Variants in MYO1B observed in about 807,000 individuals in gnomAD.
MYO1B encodes myosin IB.
MYO1B carries 72 observed loss-of-function variants against 159.7 expected under a neutral mutation model. The observed-to-expected ratio is 0.45, with a 90% CI of 0.37 to 0.55. The LOEUF is 0.55. Ranked by LOEUF, MYO1B falls within the 20% of genes least tolerant of loss-of-function variation. The pLI is 0.00. For synonymous variants in MYO1B, 468 were observed against 473.8 expected, an observed-to-expected ratio of 0.99 and a Z score of 0.16; for missense variants, 1,062 against 1,364.8, an observed-to-expected ratio of 0.78 and a Z score of 3.50.
chr2:191,318,707 A>G (rs2125886033), intron 3 of MYO1B, among the ~76,000 whole-genome samples: 1 of 152,342 alleles, frequency 6.6e-6, no homozygotes, highest in South Asian at 2.1e-4. Flanking sequence ...TGATATTTCA[A>G]CATAGTCATT....
chr2:191,383,666 TC>T (rs2126080326), intron 15 of MYO1B, among the ~76,000 whole-genome samples: 1 of 151,382 alleles, frequency 6.6e-6, no homozygotes, highest in African/African-American at 2.4e-5. Context: ...TTAGCCAGGA[TC>T]CCCAGTGGCC....
chr2:191,401,256 A>G (rs192176925), intron 23 of MYO1B, among the ~76,000 whole-genome samples: 273 of 152,266 alleles, frequency 1.8e-3, no homozygotes, highest in African/African-American at 6.1e-3. Flanking sequence ...TGCCTCTAAC[A>G]TATGTCTTAA....
chr2:191,264,842 C>A (rs1687032374), intron 1 of MYO1B, among the ~76,000 whole-genome samples: 1 of 151,160 alleles, frequency 6.6e-6, no homozygotes, highest in Non-Finnish European at 1.5e-5. Context: ...CAGAGTTGAG[C>A]CTTGTTTTTT....
At chr2:191,395,623 C>T (rs534785833) in intron 20 of MYO1B, among the ~76,000 whole-genome samples, 2 of 152,256 alleles carry the variant, frequency 1.3e-5, no homozygotes, top group African/African-American at 2.4e-5. Flanking sequence ...TTCCAGCAGC[C>T]TCCACTCCAG....
rs114643235 is a variant in MYO1B, at chr2:191,365,684, C to G, written c.1032+1408C>G. On this transcript the variant is annotated intron_variant, in intron 11 of 30. Coordinates refer to ENST00000392318, the MANE Select transcript of MYO1B (RefSeq NM_001130158.3). Reference sequence around the variant, plus strand: ...TTGGGAAGTAAGAGGTTAGGGAAGACCCCATGGAAACAATCAAAGGATTTA... The same window carrying G: ...TTGGGAAGTAAGAGGTTAGGGAAGAGCCCATGGAAACAATCAAAGGATTTA... 5.4e-3 allele frequency among the ~76,000 whole-genome samples: 815 copies of G among 152,198 alleles called. 5 individuals carry two copies. Among genetic ancestry groups the G allele is most frequent in the African/African-American group, 0.019 (786 of 41,506 alleles).
At chr2:191,369,312 T>C (rs1694215196) in intron 11 of MYO1B, among the ~76,000 whole-genome samples, 1 of 152,208 alleles carries the variant, frequency 6.6e-6, no homozygotes, top group Non-Finnish European at 1.5e-5. Context: ...GGTGAAAGTT[T>C]TTGCAGTATT....
At chr2:191,392,430 C>T (rs1450841948) in intron 19 of MYO1B, among the ~76,000 whole-genome samples, 1 of 152,064 alleles carries the variant, frequency 6.6e-6, no homozygotes, top group Non-Finnish European at 1.5e-5. Context: ...ACAGATTGTA[C>T]AACACTTAAG....
At chr2:191,381,764 A>G (rs535159587) in intron 14 of MYO1B, among the ~76,000 whole-genome samples, 198 bp downstream of exon 14, 3 of 152,260 alleles carry the variant, frequency 2.0e-5, no homozygotes, top group African/African-American at 7.2e-5. Flanking sequence ...TTGCCAGGAG[A>G]TAGGAGTTGT....
intron 1 of MYO1B, among the ~76,000 whole-genome samples, chr2:191,250,719 T>C (rs1475460655): frequency 6.6e-6 from 1 of 152,128 alleles, no homozygotes; most frequent in Non-Finnish European, 1.5e-5. Flanking sequence ...TATCCCTTAG[T>C]AGGAGGTATT....
intron 2 of MYO1B, 79 bp downstream of exon 2, chr2:191,277,109 CTTCT>C: frequency 6.6e-7 from 1 of 1,514,820 alleles, no homozygotes; most frequent in Non-Finnish European, 8.9e-7. Flanking sequence ...TCCTCAGACT[CTTCT>C]TTCTTTTTTC....
At chr2:191,262,490 G>C (rs1686876602) in intron 1 of MYO1B, among the ~76,000 whole-genome samples, 1 of 152,150 alleles carries the variant, frequency 6.6e-6, no homozygotes, top group South Asian at 2.1e-4. Flanking sequence ...TGTAGTGGCT[G>C]ACCTCAGTTT....
At chr2:191,421,347 G>A (rs543030262) in intron 30 of MYO1B, among the ~76,000 whole-genome samples, 1 of 152,252 alleles carries the variant, frequency 6.6e-6, no homozygotes, top group South Asian at 2.1e-4. Context: ...TGGGATTACT[G>A]TCATGATCCA....
intron 30 of MYO1B, among the ~76,000 whole-genome samples, chr2:191,422,322 C>G (rs1011052296): frequency 1.3e-5 from 2 of 152,122 alleles, no homozygotes; most frequent in Admixed American, 6.5e-5. Context: ...TCTCATGTCC[C>G]CCAGTGATGC....
At chr2:191,383,222 A>T in intron 14 of MYO1B, 58 bp from the exon 15 acceptor site, 1 of 1,013,812 alleles carries the variant, frequency 9.9e-7, no homozygotes, top group Non-Finnish European at 1.5e-6. Flanking sequence ...TGTTTTATGG[A>T]TGGTAGTGTC....
chr2:191,408,897 G>C (rs1184123912), intron 25 of MYO1B, 147 bp from the exon 26 acceptor site: 1 of 809,670 alleles, frequency 1.2e-6, no homozygotes, highest in Non-Finnish European at 1.9e-6. Flanking sequence ...GAGTGGAGTA[G>C]AGACTTCCCA....
At chr2:191,397,582 A>G (rs1262111887) in intron 21 of MYO1B, among the ~76,000 whole-genome samples, 1 of 150,924 alleles carries the variant, frequency 6.6e-6, no homozygotes, top group Admixed American at 6.6e-5. Context: ...AAAGTCTCCC[A>G]TGTCTACTTC....
At chr2:191,399,368 CATAA>C (rs370564428) in intron 21 of MYO1B, among the ~76,000 whole-genome samples, 3 of 152,246 alleles carry the variant, frequency 2.0e-5, no homozygotes, top group African/African-American at 4.8e-5. Context: ...TTTCAGTGTA[CATAA>C]ATAAAGTTTT....
chr2:191,349,705 A>T (rs1416986745), intron 6 of MYO1B, among the ~76,000 whole-genome samples: 2 of 152,224 alleles, frequency 1.3e-5, no homozygotes, highest in Non-Finnish European at 2.9e-5. Context: ...ATTTGAGTAG[A>T]TATAAAAACA....
chr2:191,353,023 C>T (rs141851348), intron 7 of MYO1B, among the ~76,000 whole-genome samples: 25 of 152,282 alleles, frequency 1.6e-4, no homozygotes, highest in South Asian at 8.3e-4. Flanking sequence ...ATCCCTTGAG[C>T]CAATTGTGTA....
Sources: allele counts gnomAD v4.1 joint callset (sites outside exome capture counted in the v4.1 genomes callset), GRCh38; gene constraint gnomAD v4.1.1; transcripts MANE v1.5; gene names NCBI Gene and HGNC (gene_info 2026-07-23, HGNC 2026-07-21).